Variants in ZIC1 observed in about 807,000 individuals in gnomAD.
ZIC1 encodes the protein zinc finger protein ZIC 1.
ZIC1 carries 4 observed loss-of-function variants against 30.9 expected under a neutral mutation model. That is an observed-to-expected ratio of 0.13 (90% CI 0.06 to 0.30). The LOEUF is 0.30. ZIC1 is among the 10% of genes least tolerant of loss of function. The probability of loss-of-function intolerance (pLI) is 1.00; values close to 1 mark genes in which losing one functional copy is unlikely to be tolerated. For synonymous variants in ZIC1, 305 were observed against 277.5 expected (o/e 1.10, Z -0.98); for missense variants, 441 against 639.3 (o/e 0.69, Z 3.34).
At position 147,410,773 on chromosome 3, in the gene ZIC1, A is replaced by G. The variant is rs2087366206; in HGVS notation, c.661A>G (p.Ile221Val). Residue 221 changes from isoleucine (I) to valine (V), a missense_variant, in exon 1 of 3, where the codon ATC becomes GTC. Physicochemically the swap from Ile to Val is conservative, Grantham distance 29. Coordinates refer to ENST00000282928, the MANE Select transcript of ZIC1 (RefSeq NM_003412.4). The stretch of plus-strand genomic sequence containing the variant: ...CTTCTTCCGCTACATGCGCCAACCC[A>G]TCAAGCAAGAGCTCATCTGCAAGTG... The part of the protein sequence containing the change: ...GAFFRYMRQP[I>V]KQELICKWIE... 5 of 1,614,114 alleles carry G rather than the reference A, an allele frequency of 3.1e-6. No homozygotes were observed. Among genetic ancestry groups the G allele is most frequent in the Non-Finnish European group, 3.4e-6 (4 of 1,180,014 alleles).
chr3:147,410,396 A>G lies in ZIC1; in HGVS notation c.284A>G (p.Asn95Ser), dbSNP rs745539025. 1.9e-6 allele frequency: 3 copies of G among 1,602,306 alleles called. No homozygotes were observed. The highest frequency in any genetic ancestry group is 3.3e-5 in the Admixed American group (2 of 59,972). ...GGCTCCTATTCCAGCGCAGCCTTCA[A>G]CTCCACGCGGGACTTTCTGTTCCGC... ...HVGSYSSAAF[N>S]STRDFLFRNR... Residue 95 changes from asparagine (N) to serine (S), a missense_variant, in exon 1 of 3, where the codon AAC (asparagine) becomes AGC (serine). Physicochemically the swap from Asn to Ser is conservative, Grantham distance 46 (BLOSUM62 1). Around this residue, in one of 5 missense-constraint regions of ZIC1, gnomAD observed 307 missense variants for 355.3 expected, o/e 0.86. Transcript: ENST00000282928.
chr3:147,409,809 A>T lies in ZIC1; in HGVS notation c.-304A>T. The T allele has an allele frequency of 2.4e-6, 1 of 422,512 alleles. No individual in the cohort carries two copies. Among genetic ancestry groups the T allele is most frequent in the Non-Finnish European group, 4.2e-6 (1 of 238,576 alleles). 26.2% of individuals were successfully genotyped at this position (422,512 alleles called of 1,614,324 possible). On this transcript the variant is annotated 5_prime_UTR_variant, in exon 1 of 3. The change creates a premature stop within an existing upstream ORF in the 5' untranslated region. Coordinates refer to ENST00000282928, the MANE Select transcript of ZIC1 (RefSeq NM_003412.4). Reference sequence around the variant, plus strand: ...AGCCTTGACGCGCGGCCCTCTCGGCAGAGACTGAGCGGCGAGAAAGTGCGA... The same window carrying T: ...AGCCTTGACGCGCGGCCCTCTCGGCTGAGACTGAGCGGCGAGAAAGTGCGA...
At position 147,410,089 on chromosome 3, in the gene ZIC1, C is replaced by A; in HGVS notation, c.-24C>A. ...CGAGGGTGGGGGGGGCGGGGGAGGC[C>A]GGGGCTCGCCCCGAGCAGCCACGAT... On this transcript the variant is annotated 5_prime_UTR_variant, in exon 1 of 3. Coordinates refer to ENST00000282928, the MANE Select transcript of ZIC1 (RefSeq NM_003412.4). 1.4e-6 allele frequency: 2 copies of A among 1,458,602 alleles called. No homozygotes were observed. Among genetic ancestry groups the A allele is most frequent in the Non-Finnish European group, 1.8e-6 (2 of 1,114,688 alleles). 90.4% of individuals were successfully genotyped at this position (1,458,602 alleles called of 1,614,324 possible). A position where few individuals can be genotyped will look rare whatever the true frequency, so the allele number is the denominator to read the frequency against.
rs1458118073 is a variant in ZIC1 at position 147,413,718 on chromosome 3, T to A, written c.*167T>A. ...CCCAGGACGAGTAAGAGAGGAAGCA[T>A]CAACCTTTTAAAAATTTCCTTTCGC... On this transcript the variant is annotated 3_prime_UTR_variant, in exon 3 of 3. Transcript: ENST00000282928. 1.4e-6 allele frequency: 1 copy of A among 708,090 alleles called. No homozygotes were observed. The highest frequency in any genetic ancestry group is 2.1e-6 in the Non-Finnish European group (1 of 485,000). 43.9% of individuals were successfully genotyped at this position (708,090 alleles called of 1,614,324 possible).
At position 147,410,071 on chromosome 3, in the gene ZIC1, G is replaced by C. The variant is rs756452709; in HGVS notation, c.-42G>C. 1.0e-4 allele frequency: 145 copies of C among 1,422,130 alleles called. No homozygotes were observed. The highest frequency in any genetic ancestry group is 7.5e-4 in the Middle Eastern group (3 of 3,980). 88.1% of individuals were successfully genotyped at this position (1,422,130 alleles called of 1,614,324 possible). On this transcript the variant is annotated 5_prime_UTR_variant, in exon 1 of 3. Coordinates refer to ENST00000282928, the MANE Select transcript of ZIC1 (RefSeq NM_003412.4). ...TTTTCCCTCCTCGGCTGGCGAGGGTGGGGGGGGCGGGGGAGGCCGGGGCTC... is the reference window on the plus strand; with the variant it reads ...TTTTCCCTCCTCGGCTGGCGAGGGTCGGGGGGGCGGGGGAGGCCGGGGCTC...
At chr3:147,412,437 T>G in intron 1 of ZIC1, 81 bp from the exon 2 acceptor site, 1 of 1,550,562 alleles carries the variant, frequency 6.4e-7, no homozygotes, top group Non-Finnish European at 8.8e-7. Flanking sequence ...TGTTTTATTT[T>G]TTTTCTATTT....
rs555058574 is a variant in ZIC1, at chr3:147,416,474, C to T, written c.*2923C>T. 6.6e-6 allele frequency: 1 copy of T among 152,272 alleles called. No individual in the cohort carries two copies. The highest frequency in any genetic ancestry group is 2.4e-5 in the African/African-American group (1 of 41,546). The allele number at this position is 152,272 out of a possible 1,614,324, so 9.4% of individuals were successfully genotyped here. On this transcript the variant is annotated 3_prime_UTR_variant, in exon 3 of 3. Coordinates refer to ENST00000282928, the MANE Select transcript of ZIC1 (RefSeq NM_003412.4). ...AATTTTTGTTGTGTACCTGATGCCC[C>T]TTTTGCTTTAATACCACAGTGTAAC...
chr3:147,412,696 C>T lies in ZIC1; in HGVS notation c.1146+15C>T, dbSNP rs1318202862. 1.9e-6 allele frequency: 3 copies of T among 1,601,434 alleles called. No individual in the cohort carries two copies. Among genetic ancestry groups the T allele is most frequent in the African/African-American group, 1.3e-5 (1 of 74,676 alleles). ...AACACATGAAGGTAATCGCCGCACT[C>T]TCGTCGCCCCCTTTGAGGCAGGAGC... On this transcript the variant is annotated intron_variant, in intron 2 of 2. Transcript: ENST00000282928.
chr3:147,412,420 G>A, intron 1 of ZIC1, 98 bp from the exon 2 acceptor site: 1 of 1,464,360 alleles, frequency 6.8e-7, no homozygotes, highest in Admixed American at 2.2e-5. Context: ...CTGGGCTGCT[G>A]GCTTTTTGTT....
rs1269030450 is a variant in ZIC1 at position 147,410,368 on chromosome 3, G to A, written c.256G>A (p.Val86Ile). Residue 86 changes from valine (V) to isoleucine (I), a missense_variant, in exon 1 of 3, where the codon GTC (valine) becomes ATC (isoleucine). Coordinates refer to ENST00000282928, the MANE Select transcript of ZIC1 (RefSeq NM_003412.4). ...GGGCCATCACCATCACCCGGGCCAC[G>A]TCGGCTCCTATTCCAGCGCAGCCTT... ...ALGHHHHPGH[V>I]GSYSSAAFNS... The A allele has an allele frequency of 2.5e-6, 4 of 1,601,338 alleles. No individual in the cohort carries two copies. The highest frequency in any genetic ancestry group is 1.3e-5 in the African/African-American group (1 of 74,912).
chr3:147,410,179 C>A lies in ZIC1; in HGVS notation c.67C>A (p.His23Asn). The change falls in exon 1 of 3, where the codon CAC becomes AAC. Residue 23 changes from histidine to asparagine, a missense_variant. His to Asn is a moderately conservative substitution (Grantham distance 68). This residue lies in a region of ZIC1 where 307 missense variants were observed against 355.3 expected (regional missense o/e 0.86). Coordinates refer to ENST00000282928, the MANE Select transcript of ZIC1 (RefSeq NM_003412.4). ...GVTTFGASRHHSAGDVAERDV... is the reference protein window; with the variant it reads ...GVTTFGASRHNSAGDVAERDV... The stretch of plus-strand genomic sequence containing the variant: ...GACCACCTTTGGCGCGTCCCGCCAC[C>A]ACTCCGCGGGCGACGTGGCCGAACG... 1 of 1,600,306 alleles carries A rather than the reference C, an allele frequency of 6.2e-7. No individual in the cohort carries two copies. Among genetic ancestry groups the A allele is most frequent in the Non-Finnish European group, 8.5e-7 (1 of 1,179,224 alleles).
At chr3:147,413,211 C>A (rs903370337) in intron 2 of ZIC1, 143 bp from the exon 3 acceptor site, 2 of 861,910 alleles carry the variant, frequency 2.3e-6, no homozygotes, top group South Asian at 1.8e-5. Flanking sequence ...AGAAACCAAG[C>A]CCAAAGTCCC....
At chr3:147,411,909 G>T (rs1177605658) in intron 1 of ZIC1, among the ~76,000 whole-genome samples, 3 of 152,118 alleles carry the variant, frequency 2.0e-5, no homozygotes, top group African/African-American at 7.2e-5. Flanking sequence ...CCCCCAAGAG[G>T]CCGGGAACTG....
chr3:147,410,150 G>C lies in ZIC1; in HGVS notation c.38G>C (p.Gly13Ala). 6.3e-7 allele frequency: 1 copy of C among 1,595,996 alleles called. No homozygotes were observed. The highest frequency in any genetic ancestry group is 2.2e-5 in the East Asian group (1 of 44,570). Residue 13 changes from glycine (G) to alanine (A), a missense_variant, in exon 1 of 3, where the codon GGC (glycine) becomes GCC (alanine). Gly to Ala is a moderately conservative substitution (Grantham distance 60, BLOSUM62 0). Coordinates refer to ENST00000282928, the MANE Select transcript of ZIC1 (RefSeq NM_003412.4). Reference sequence around the variant, plus strand: ...GCCGGCCCCCAGTACCCAGCGATCGGCGTGACCACCTTTGGCGCGTCCCGC... The same window carrying C: ...GCCGGCCCCCAGTACCCAGCGATCGCCGTGACCACCTTTGGCGCGTCCCGC... ...LDAGPQYPAI[G>A]VTTFGASRHH...
At position 147,413,755 on chromosome 3, in the gene ZIC1, T is replaced by G. The variant is rs910444492; in HGVS notation, c.*204T>G. On this transcript the variant is annotated 3_prime_UTR_variant, in exon 3 of 3. Transcript: ENST00000282928. Reference sequence around the variant, plus strand: ...AAATTTCCTTTCGCTTTCATTATTTTTCTTTTTTTGGCAAAGGCTTGGTAC... The same window carrying G: ...AAATTTCCTTTCGCTTTCATTATTTGTCTTTTTTTGGCAAAGGCTTGGTAC... 3.0e-5 allele frequency: 19 copies of G among 632,024 alleles called. No homozygotes were observed. The highest frequency in any genetic ancestry group is 4.1e-5 in the Admixed American group (1 of 24,572). The allele number at this position is 632,024 out of a possible 1,614,324, so 39.2% of individuals were successfully genotyped here.
Position 147,410,871 on chromosome 3 carries a change from T to A in ZIC1, c.759T>A (p.Val253=), listed in dbSNP as rs777232814. ...CTTTCAGCACCATGCACGAGCTAGTTACGCACGTCACCGTGGAGCACGTAG... is the reference window on the plus strand; with the variant it reads ...CTTTCAGCACCATGCACGAGCTAGTAACGCACGTCACCGTGGAGCACGTAG... ...NKTFSTMHEL[V]THVTVEHVGG... is the part of the protein sequence containing the mutation. The change falls in exon 1 of 3, where the codon GTT becomes GTA. Residue 253 remains valine, a synonymous_variant. Transcript: ENST00000282928. The A allele has an allele frequency of 1.9e-6, 3 of 1,614,236 alleles. No individual in the cohort carries two copies.
Position 147,410,059 on chromosome 3 carries a change from G to A in ZIC1, c.-54G>A. 1 of 1,416,774 alleles carries A rather than the reference G, an allele frequency of 7.1e-7. No individual in the cohort carries two copies. The highest frequency in any genetic ancestry group is 9.2e-7 in the Non-Finnish European group (1 of 1,092,608). 87.8% of individuals were successfully genotyped at this position (1,416,774 alleles called of 1,614,324 possible). On this transcript the variant is annotated 5_prime_UTR_variant, in exon 1 of 3. Transcript: ENST00000282928. The stretch of plus-strand genomic sequence containing the variant: ...TCCTCCTCCCGATTTTCCCTCCTCG[G>A]CTGGCGAGGGTGGGGGGGGCGGGGG...
rs2087435212 is a variant in ZIC1 at position 147,416,442 on chromosome 3, ACTGT to A, written c.*2894_*2897del. On this transcript the variant is annotated 3_prime_UTR_variant, in exon 3 of 3. Coordinates refer to ENST00000282928, the MANE Select transcript of ZIC1 (RefSeq NM_003412.4). ...AGTTTACCTCAAATTGGGAATTATA[ACTGT>A]CTAATTTTTGTTGTGTACCTGATGC... The A allele has an allele frequency of 6.6e-6, 1 of 152,170 alleles. No homozygotes were observed. Among genetic ancestry groups the A allele is most frequent in the South Asian group, 2.1e-4 (1 of 4,830 alleles). 9.4% of individuals were successfully genotyped at this position (152,170 alleles called of 1,614,324 possible).
chr3:147,409,946 T>G lies in ZIC1; in HGVS notation c.-167T>G. ...GCCAGCGCCCGGGCGCGCCGCGCCATTGCCTGCAGGCTAGGACTTCGCGAG... is the reference window on the plus strand; with the variant it reads ...GCCAGCGCCCGGGCGCGCCGCGCCAGTGCCTGCAGGCTAGGACTTCGCGAG... On this transcript the variant is annotated 5_prime_UTR_variant, in exon 1 of 3. Transcript: ENST00000282928. 4 of 718,574 alleles carry G rather than the reference T, an allele frequency of 5.6e-6. No individual in the cohort carries two copies. Among genetic ancestry groups the G allele is most frequent in the Non-Finnish European group, 8.3e-6 (4 of 479,722 alleles). The allele number at this position is 718,574 out of a possible 1,614,324, so 44.5% of individuals were successfully genotyped here. A position where few individuals can be genotyped will look rare whatever the true frequency, so the allele number is the denominator to read the frequency against.
Sources: gnomAD v4.1 joint callset for allele counts (sites outside exome capture counted in the v4.1 genomes callset) on GRCh38, gnomAD v4.1.1 for gene constraint, gnomAD v4.1.1 regional missense constraint, MANE v1.5 for transcripts, NCBI Gene and HGNC (gene_info 2026-07-23, HGNC 2026-07-21) for gene names.